The following SMG7 variants were observed in gnomAD, a reference collection of about 807,000 sequenced individuals.
SMG7 encodes the protein SMG7 nonsense mediated mRNA decay factor.
Under a neutral mutation model 148.2 loss-of-function variants are expected in SMG7, and 34 were observed. The observed-to-expected ratio is 0.23, with a 90% CI of 0.17 to 0.31. The LOEUF is 0.31. SMG7 is among the 10% of genes least tolerant of loss of function. The pLI is 1.00. For missense variants in SMG7, 1,114 were observed against 1,408.4 expected (o/e 0.79, Z 3.35); for synonymous variants, 492 against 515.1 (o/e 0.96, Z 0.61).
chr1:183,515,135 T>G (rs1341529438), intron 2 of SMG7, among the ~76,000 whole-genome samples: 1 of 152,224 alleles, frequency 6.6e-6, no homozygotes, highest in African/African-American at 2.4e-5. Context: ...AATTTTGTAT[T>G]ATGTGTAGTC....
intron 4 of SMG7, among the ~76,000 whole-genome samples, chr1:183,519,158 A>C (rs1401219336): frequency 1.3e-5 from 2 of 152,024 alleles, no homozygotes; most frequent in East Asian, 3.9e-4. Flanking sequence ...GTGCCACTGT[A>C]CTCCAGCCAG....
At chr1:183,521,058 G>A (rs1571967070) in intron 4 of SMG7, among the ~76,000 whole-genome samples, 1 of 150,078 alleles carries the variant, frequency 6.7e-6, no homozygotes, top group East Asian at 2.0e-4. Flanking sequence ...AATATTAATA[G>A]AATTTTTCAC....
At chr1:183,538,649 T>G (rs1558045622) in intron 12 of SMG7, among the ~76,000 whole-genome samples, 1 of 152,158 alleles carries the variant, frequency 6.6e-6, no homozygotes, top group Non-Finnish European at 1.5e-5. Flanking sequence ...ATGTAACCTT[T>G]CCATCTGTGC....
intron 1 of SMG7, among the ~76,000 whole-genome samples, chr1:183,499,594 GTTTTC>G (rs1659301326): frequency 6.6e-6 from 1 of 152,082 alleles, no homozygotes; most frequent in Non-Finnish European, 1.5e-5. Context: ...CGAGTTGCTT[GTTTTC>G]TTAATGTTCA....
intron 12 of SMG7, among the ~76,000 whole-genome samples, chr1:183,539,790 A>G (rs1361967705): frequency 6.6e-6 from 1 of 152,186 alleles, no homozygotes; most frequent in African/African-American, 2.4e-5. Context: ...CTTAGGTTCA[A>G]GTCCTTCCGT....
chr1:183,541,187 C>G, intron 13 of SMG7, 84 bp downstream of exon 13: 1 of 1,189,640 alleles, frequency 8.4e-7, no homozygotes, highest in African/African-American at 1.5e-5. Context: ...CACACACACA[C>G]ATCTCATATG....
At chr1:183,473,584 G>GA (rs1341289502) in intron 1 of SMG7, 1 of 194,620 alleles carries the variant, frequency 5.1e-6, no homozygotes, top group Non-Finnish European at 9.4e-6. Flanking sequence ...AGCTGAGTAA[G>GA]AGCTTGGAGG....
intron 1 of SMG7, among the ~76,000 whole-genome samples, chr1:183,500,235 A>G (rs897050031): frequency 1.3e-5 from 2 of 152,148 alleles, no homozygotes; most frequent in Non-Finnish European, 2.9e-5. Flanking sequence ...GAAATATTTA[A>G]TGTTCTGTAT....
chr1:183,526,728 T>C lies in SMG7; in HGVS notation c.445T>C (p.Tyr149His). The change falls in exon 5 of 23, where the codon TAT (tyrosine) becomes CAT (histidine). Residue 149 changes from tyrosine (Y) to histidine (H), a missense_variant. Tyr to His is a moderately conservative substitution (Grantham distance 83, BLOSUM62 2). Transcript: ENST00000688051. ...GAAGCCACAGTCTAGCTCCTGTTCCTATATCTGCCAGCACTGCCTCGTCCA... is the reference window on the plus strand; with the variant it reads ...GAAGCCACAGTCTAGCTCCTGTTCCCATATCTGCCAGCACTGCCTCGTCCA... ...IVKPQSSSCS[Y>H]ICQHCLVHLG... 6 of 1,613,632 alleles carry C rather than the reference T, an allele frequency of 3.7e-6. No individual in the cohort carries two copies. The highest frequency in any genetic ancestry group is 4.2e-6 in the Non-Finnish European group (5 of 1,179,734).
intron 6 of SMG7, among the ~76,000 whole-genome samples, chr1:183,528,590 A>G (rs575964526): frequency 6.6e-6 from 1 of 152,280 alleles, no homozygotes; most frequent in African/African-American, 2.4e-5. Flanking sequence ...TTCACACTAC[A>G]GTGGCAGAGT....
chr1:183,491,565 A>G (rs1171632707), intron 1 of SMG7, among the ~76,000 whole-genome samples: 1 of 152,154 alleles, frequency 6.6e-6, no homozygotes, highest in Non-Finnish European at 1.5e-5. Flanking sequence ...ATACATATAT[A>G]TATATCTCCT....
chr1:183,530,998 GT>G (rs1261778429), intron 8 of SMG7, among the ~76,000 whole-genome samples: 5 of 152,010 alleles, frequency 3.3e-5, no homozygotes, highest in Non-Finnish European at 5.9e-5. Flanking sequence ...TGAAGTTCTG[GT>G]AAGTGTGGGT....
chr1:183,480,407 T>C (rs1653773862), intron 1 of SMG7, among the ~76,000 whole-genome samples: 1 of 152,136 alleles, frequency 6.6e-6, no homozygotes, highest in Admixed American at 6.5e-5. Flanking sequence ...CAGTCCATTT[T>C]TTTCTGAGTA....
At chr1:183,473,013 C>G in intron 1 of SMG7, 1 of 304,522 alleles carries the variant, frequency 3.3e-6, no homozygotes, top group Non-Finnish European at 6.0e-6. Context: ...GAGTCTGATC[C>G]CCGTGGCAGG....
chr1:183,484,264 A>G (rs1654878758), intron 1 of SMG7, among the ~76,000 whole-genome samples: 1 of 152,024 alleles, frequency 6.6e-6, no homozygotes, highest in African/African-American at 2.4e-5. Flanking sequence ...AATCATCTCT[A>G]GATCACTTAC....
intron 1 of SMG7, among the ~76,000 whole-genome samples, chr1:183,474,866 G>A (rs1390090749): frequency 6.6e-6 from 1 of 152,238 alleles, no homozygotes; most frequent in Admixed American, 6.5e-5. Flanking sequence ...GATGTGGATT[G>A]AGAAGCGGGG....
chr1:183,497,332 G>A (rs534873576), intron 1 of SMG7, among the ~76,000 whole-genome samples: 52 of 152,270 alleles, frequency 3.4e-4, no homozygotes, highest in African/African-American at 1.2e-3. Flanking sequence ...CAGCTTCATA[G>A]TGTTTTGATG....
At chr1:183,544,641 T>C (rs1669569717) in intron 15 of SMG7, 144 bp downstream of exon 15, 1 of 907,530 alleles carries the variant, frequency 1.1e-6, no homozygotes, top group Admixed American at 2.9e-5. Context: ...AAATTATTTT[T>C]GAACTGTTTG....
intron 10 of SMG7, 98 bp from the exon 11 acceptor site, chr1:183,537,044 TACA>T: frequency 1.3e-6 from 1 of 758,470 alleles, no homozygotes; most frequent in Non-Finnish European, 2.3e-6. Flanking sequence ...AAGGGAAAAA[TACA>T]TAAAGTCCAG....
Sources: gnomAD v4.1 joint callset for allele counts (sites outside exome capture counted in the v4.1 genomes callset) on GRCh38, gnomAD v4.1.1 for gene constraint, MANE v1.5 for transcripts, NCBI Gene and HGNC (gene_info 2026-07-23, HGNC 2026-07-21) for gene names.